COL23A1: variants seen among roughly 807,000 people sequenced by gnomAD.
The protein encoded by COL23A1 is collagen alpha-1(XXIII) chain.
In COL23A1, 97 loss-of-function variants were observed where a neutral mutation model predicts 99.3. That is an observed-to-expected ratio of 0.98 (90% CI 0.83 to 1.16). COL23A1 has a LOEUF of 1.16. COL23A1 is among the 50% of genes most tolerant of loss of function. The pLI is 0.00. For synonymous variants in COL23A1, 320 were observed against 308.2 expected (o/e 1.04, Z -0.40); for missense variants, 762 against 757.4 (o/e 1.01, Z -0.07).
At chr5:178,296,809 G>T (rs1473846292) in intron 3 of COL23A1, among the ~76,000 whole-genome samples, 6 of 152,114 alleles carry the variant, frequency 3.9e-5, no homozygotes, top group Middle Eastern at 3.2e-3. Flanking sequence ...TCATCTACAA[G>T]ACTTTAAAAC....
At chr5:178,416,485 G>A (rs1765318469) in intron 2 of COL23A1, among the ~76,000 whole-genome samples, 1 of 152,202 alleles carries the variant, frequency 6.6e-6, no homozygotes, top group Non-Finnish European at 1.5e-5. Context: ...CCGGAGGGGT[G>A]GGGCCCAGGA....
At chr5:178,397,656 C>G (rs149175237) in intron 2 of COL23A1, among the ~76,000 whole-genome samples, 161 of 152,342 alleles carry the variant, frequency 1.1e-3, no homozygotes, top group African/African-American at 3.8e-3. Context: ...TAATGTGATG[C>G]GAATCCACTG....
chr5:178,318,864 T>C (rs1176212762), intron 2 of COL23A1, among the ~76,000 whole-genome samples: 3 of 147,816 alleles, frequency 2.0e-5, no homozygotes, highest in Admixed American at 6.8e-5. Context: ...ATTGTGCCAC[T>C]GCACTCTAGC....
chr5:178,386,228 C>T (rs1763663571), intron 2 of COL23A1, among the ~76,000 whole-genome samples: 1 of 152,172 alleles, frequency 6.6e-6, no homozygotes, highest in South Asian at 2.1e-4. Context: ...TGTCTGAGCT[C>T]ATGAGTTTGA....
In COL23A1 at chr5:178,359,015, T is replaced by A. The variant is rs192510664; in HGVS notation, c.362-52096A>T. Among the ~76,000 whole-genome samples the A allele has an allele frequency of 2.6e-5, 4 of 152,318 alleles. No individual in the cohort carries two copies. The East Asian group carries it at 7.7e-4, about 29-fold the overall frequency. Reference sequence around the variant, plus strand: ...CAACTGTCTAATAAAAGGCTTCTGATTTGCTTTGGAAGAGGAAAGGGTGAT... The same window carrying A: ...CAACTGTCTAATAAAAGGCTTCTGAATTGCTTTGGAAGAGGAAAGGGTGAT... On this transcript the variant is annotated intron_variant, in intron 2 of 28. Coordinates refer to ENST00000390654, the MANE Select transcript of COL23A1 (RefSeq NM_173465.4).
chr5:178,459,630 C>T (rs988528863), intron 2 of COL23A1, among the ~76,000 whole-genome samples: 3 of 152,186 alleles, frequency 2.0e-5, no homozygotes, highest in Admixed American at 6.5e-5. Context: ...GGCGTGGTGG[C>T]GTGCACCTAT....
In COL23A1 at chr5:178,306,943, T is replaced by C. The variant is rs1758390721; in HGVS notation, c.362-24A>G. The C allele has an allele frequency of 4.0e-6, 6 of 1,490,928 alleles. No homozygotes were observed. Among genetic ancestry groups the C allele is most frequent in the Admixed American group, 2.3e-5 (1 of 42,792 alleles). The allele number at this position is 1,490,928 out of a possible 1,614,324, so 92.4% of individuals were successfully genotyped here. A position where few individuals can be genotyped will look rare whatever the true frequency, so the allele number is the denominator to read the frequency against. ...CCCTAGACAGGAAAACAAGAATGCA[T>C]TCATTGAGAAGGGAAGCCAGTGGAC... On this transcript the variant is annotated intron_variant, in intron 2 of 28. Coordinates refer to ENST00000390654, the MANE Select transcript of COL23A1 (RefSeq NM_173465.4). This position sits in a 1 kb window ranked among gnomAD's most constrained non-coding sequence, Gnocchi z 4.1.
At chr5:178,517,852 G>A (rs1313014897) in intron 2 of COL23A1, among the ~76,000 whole-genome samples, 3 of 144,416 alleles carry the variant, frequency 2.1e-5, no homozygotes, top group Non-Finnish European at 4.5e-5. Flanking sequence ...GAGCCGCCGT[G>A]CCTGGCCAGC....
chr5:178,502,315 TAG>T (rs1243533311), intron 2 of COL23A1, among the ~76,000 whole-genome samples: 1 of 152,064 alleles, frequency 6.6e-6, no homozygotes, highest in Non-Finnish European at 1.5e-5. Flanking sequence ...GTATTTTTAG[TAG>T]AGACGGGGTT....
At chr5:178,379,901 G>T (rs1763287988) in intron 2 of COL23A1, among the ~76,000 whole-genome samples, 3 of 150,848 alleles carry the variant, frequency 2.0e-5, no homozygotes, top group Admixed American at 1.3e-4. Context: ...AAAAAGAAAA[G>T]AAAAAGAAAA....
intron 2 of COL23A1, among the ~76,000 whole-genome samples, chr5:178,337,484 G>A (rs2127656029): frequency 6.6e-6 from 1 of 152,322 alleles, no homozygotes; most frequent in African/African-American, 2.4e-5. Context: ...CCAGAAACTG[G>A]GCTGACTGCC....
chr5:178,465,793 G>A (rs1461643112), intron 2 of COL23A1, among the ~76,000 whole-genome samples: 1 of 152,224 alleles, frequency 6.6e-6, no homozygotes, highest in Non-Finnish European at 1.5e-5. Flanking sequence ...CTGTCCTGGG[G>A]ATTCAACAGC....
chr5:178,277,010 T>C (rs1756621853), intron 5 of COL23A1, among the ~76,000 whole-genome samples: 1 of 152,140 alleles, frequency 6.6e-6, no homozygotes, highest in African/African-American at 2.4e-5. Flanking sequence ...TCATCTGTAG[T>C]GTGAGGGGCT....
rs1481625838 is a variant in COL23A1, at chr5:178,313,694, T to C, written c.362-6775A>G. On this transcript the variant is annotated intron_variant, in intron 2 of 28. Coordinates refer to ENST00000390654, the MANE Select transcript of COL23A1 (RefSeq NM_173465.4). The surrounding 1 kb of genome is among the most constrained non-coding windows in gnomAD (Gnocchi z 4.2). Reference sequence around the variant, plus strand: ...CGAGTGTCCCTTCAGACCTGGTCCTTCTCAACACCACTGGAAGCCCCTTTA... The same window carrying C: ...CGAGTGTCCCTTCAGACCTGGTCCTCCTCAACACCACTGGAAGCCCCTTTA... 2.6e-5 allele frequency among the ~76,000 whole-genome samples: 4 copies of C among 152,128 alleles called. No individual in the cohort carries two copies. Among genetic ancestry groups the C allele is most frequent in the African/African-American group, 9.7e-5 (4 of 41,420 alleles).
At chr5:178,480,029 C>T (rs537643966) in intron 2 of COL23A1, among the ~76,000 whole-genome samples, 2 of 151,094 alleles carry the variant, frequency 1.3e-5, no homozygotes, top group East Asian at 3.9e-4. Context: ...ATGTGTGTAT[C>T]GAAACACAGA....
intron 5 of COL23A1, among the ~76,000 whole-genome samples, chr5:178,275,314 A>G (rs1253297159): frequency 6.6e-6 from 1 of 152,186 alleles, no homozygotes; most frequent in Non-Finnish European, 1.5e-5. Context: ...CAGTGCTGGG[A>G]GCGACCCGTG....
At chr5:178,290,584 G>A (rs1425178473) in intron 3 of COL23A1, among the ~76,000 whole-genome samples, 2 of 152,210 alleles carry the variant, frequency 1.3e-5, no homozygotes, top group African/African-American at 4.8e-5. Flanking sequence ...GATGGTCACG[G>A]GGGTGGTGGT....
intron 2 of COL23A1, among the ~76,000 whole-genome samples, chr5:178,375,290 C>G (rs1763013037): frequency 6.6e-6 from 1 of 152,158 alleles, no homozygotes; most frequent in Non-Finnish European, 1.5e-5. Context: ...GGGATAATAG[C>G]TACAGGGCAT....
intron 2 of COL23A1, among the ~76,000 whole-genome samples, chr5:178,374,048 C>T (rs920081735): frequency 2.0e-5 from 3 of 152,150 alleles, no homozygotes; most frequent in African/African-American, 7.2e-5. Context: ...GTCATATGCA[C>T]CTTTGAGTCC....
Sources: allele counts gnomAD v4.1 joint callset (sites outside exome capture counted in the v4.1 genomes callset), GRCh38; gene constraint gnomAD v4.1.1; non-coding constraint Gnocchi (gnomAD v3.1); transcripts MANE v1.5; gene names NCBI Gene and HGNC (gene_info 2026-07-23, HGNC 2026-07-21).